Variants in DLC1 observed in about 807,000 individuals in gnomAD.
The protein encoded by DLC1 is rho GTPase-activating protein 7.
A neutral mutation model predicts 140.3 loss-of-function variants in DLC1; 54 were observed. That is an observed-to-expected ratio of 0.38 (90% CI 0.31 to 0.48). The LOEUF is 0.48. DLC1 is among the 20% of genes least tolerant of loss of function. The probability of loss-of-function intolerance (pLI) is 0.96; values close to 1 mark genes in which losing one functional copy is unlikely to be tolerated. For missense variants in DLC1, 2,536 were observed against 1,907.0 expected (o/e 1.33, Z -6.14); for synonymous variants, 986 against 728.1 (o/e 1.35, Z -5.70).
chr8:13,150,675 A>G (rs960687412), intron 5 of DLC1, among the ~76,000 whole-genome samples: 1 of 152,198 alleles, frequency 6.6e-6, no homozygotes, highest in Non-Finnish European at 1.5e-5. Context: ...GATCTTCATA[A>G]ACACTTTCCC....
rs1801695696 is a variant in DLC1 at position 13,499,656 on chromosome 8, T to C, written c.416A>G (p.His139Arg). ...TAAGGAGCCTGCTCCTTGGATCATA[T>C]GTTGGCCTGATGTTTTCTGCCCTTG... Reference protein sequence around the residue: ...NTQGQKTSGQHMIQGAGSLEK... With the variant: ...NTQGQKTSGQRMIQGAGSLEK... The change falls in exon 2 of 18, where the codon CAT becomes CGT. Residue 139 changes from histidine (H) to arginine (R), a missense_variant. By Grantham distance (29) the His-to-Arg change is conservative. Transcript: ENST00000276297. The C allele has an allele frequency of 1.9e-6, 3 of 1,614,214 alleles. No individual in the cohort carries two copies. The highest frequency in any genetic ancestry group is 2.5e-6 in the Non-Finnish European group (3 of 1,180,020).
At chr8:13,128,650 A>G (rs535119661) in intron 5 of DLC1, among the ~76,000 whole-genome samples, 22 of 152,166 alleles carry the variant, frequency 1.4e-4, no homozygotes, top group East Asian at 5.8e-4. Context: ...GGCTAACACG[A>G]TGAAACCCTG....
At chr8:13,254,835 T>C (rs1223781903) in intron 5 of DLC1, among the ~76,000 whole-genome samples, 1 of 152,216 alleles carries the variant, frequency 6.6e-6, no homozygotes, top group African/African-American at 2.4e-5. Context: ...TAACAAAATA[T>C]TTAGTTTAAC....
intron 1 of DLC1, among the ~76,000 whole-genome samples, chr8:13,525,069 A>G (rs1802877528): frequency 6.6e-6 from 1 of 152,190 alleles, no homozygotes; most frequent in African/African-American, 2.4e-5. Context: ...TAAATTTTCT[A>G]GAAGTTTATG....
At chr8:13,096,605 G>T (rs2064860568) in intron 10 of DLC1, among the ~76,000 whole-genome samples, 6 of 151,984 alleles carry the variant, frequency 3.9e-5, no homozygotes, top group Admixed American at 3.9e-4. Context: ...AAGCATGTGA[G>T]GATAAACCGG....
chr8:13,454,590 C>T (rs1447218510), intron 2 of DLC1, among the ~76,000 whole-genome samples: 1 of 152,174 alleles, frequency 6.6e-6, no homozygotes, highest in Non-Finnish European at 1.5e-5. Flanking sequence ...GGGTCTTGCT[C>T]TGTCATCCAG....
At chr8:13,568,938 G>C (rs776405642) in intron 1 of DLC1, among the ~76,000 whole-genome samples, 1 of 152,192 alleles carries the variant, frequency 6.6e-6, no homozygotes. Flanking sequence ...ATATTTAGCT[G>C]TAAGGGGAAG....
Position 13,567,850 on chromosome 8 carries a change from C to G in DLC1, c.-126+36687G>C, listed in dbSNP as rs140504541. 5 of 1,551,794 alleles carry G rather than the reference C, an allele frequency of 3.2e-6. No individual in the cohort carries two copies. The East Asian group carries it at 9.8e-5, about 30-fold the overall frequency. On this transcript the variant is annotated intron_variant, in intron 1 of 1. Coordinates refer to the DLC1 transcript ENST00000631382. ...ATCAGAGACAGAGCAGAAGTTGCAG[C>G]GAGATGGAAATAGTGCTTGTCATTT...
chr8:13,123,082 G>A (rs900821283), intron 5 of DLC1, among the ~76,000 whole-genome samples: 30 of 152,254 alleles, frequency 2.0e-4, no homozygotes, highest in East Asian at 5.8e-4. Flanking sequence ...GGAGTACAGC[G>A]CGTATGAGGA....
At chr8:13,402,166 A>G (rs1837328672) in intron 2 of DLC1, among the ~76,000 whole-genome samples, 1 of 152,124 alleles carries the variant, frequency 6.6e-6, no homozygotes, top group African/African-American at 2.4e-5. Flanking sequence ...CCTTACTAAA[A>G]TCTCTTCTCT....
chr8:13,097,418 C>T (rs1280598538), intron 10 of DLC1, among the ~76,000 whole-genome samples: 1 of 152,014 alleles, frequency 6.6e-6, no homozygotes, highest in Non-Finnish European at 1.5e-5. Flanking sequence ...TGCATGCCAC[C>T]ACACTCAGCT....
chr8:13,497,882 C>T (rs1034990031), intron 2 of DLC1, among the ~76,000 whole-genome samples: 4 of 152,168 alleles, frequency 2.6e-5, no homozygotes, highest in African/African-American at 9.7e-5. Context: ...AGCTTGTGGA[C>T]ACTGATTTTT....
At position 13,448,158 on chromosome 8, in the gene DLC1, G is replaced by A. The variant is rs546072775; in HGVS notation, c.1024-46539C>T. On this transcript the variant is annotated intron_variant, in intron 2 of 17. Coordinates refer to ENST00000276297, the MANE Select transcript of DLC1 (RefSeq NM_182643.3). ...CATCGGTGATTATGGCTGGGAAAGC[G>A]TCTCTCCAGGTGACTCACTGCCATT... Among the ~76,000 whole-genome samples the A allele has an allele frequency of 1.3e-3, 197 of 152,220 alleles. 3 individuals carry two copies. The highest frequency in any genetic ancestry group is 0.011 in the Admixed American group (175 of 15,286).
At chr8:13,229,532 G>A (rs1351911271) in intron 5 of DLC1, among the ~76,000 whole-genome samples, 1 of 151,880 alleles carries the variant, frequency 6.6e-6, no homozygotes, top group Non-Finnish European at 1.5e-5. Context: ...CTCCATGAAT[G>A]CATTAAAAAC....
intron 2 of DLC1, among the ~76,000 whole-genome samples, chr8:13,434,581 G>C (rs1007267553): frequency 1.3e-5 from 2 of 152,188 alleles, no homozygotes; most frequent in Admixed American, 6.5e-5. Context: ...TGTTGGCAAG[G>C]TGACTTACAA....
chr8:13,510,697 A>G (rs909445642), intron 1 of DLC1, among the ~76,000 whole-genome samples: 2 of 152,046 alleles, frequency 1.3e-5, no homozygotes, highest in Admixed American at 6.6e-5. Context: ...ACCCCATTTA[A>G]AATGTGGAAA....
intron 1 of DLC1, among the ~76,000 whole-genome samples, chr8:13,529,003 C>T (rs182298358): frequency 4.6e-5 from 7 of 152,196 alleles, no homozygotes; most frequent in South Asian, 2.1e-4. Flanking sequence ...TATGCCAAGA[C>T]GATTATTTCC....
chr8:13,547,761 C>G (rs528667830), intron 1 of DLC1, among the ~76,000 whole-genome samples: 1 of 152,000 alleles, frequency 6.6e-6, no homozygotes, highest in Non-Finnish European at 1.5e-5. Flanking sequence ...AACTTCATAT[C>G]CCTGCCTACT....
intron 5 of DLC1, among the ~76,000 whole-genome samples, chr8:13,117,149 T>C (rs1375696900): frequency 6.6e-6 from 1 of 152,190 alleles, no homozygotes; most frequent in Non-Finnish European, 1.5e-5. Context: ...TGGAAAAACA[T>C]ATACAAGCTC....
Sources: gnomAD v4.1 joint callset for allele counts (sites outside exome capture counted in the v4.1 genomes callset) on GRCh38, gnomAD v4.1.1 for gene constraint, MANE v1.5 for transcripts, NCBI Gene and HGNC (gene_info 2026-07-23, HGNC 2026-07-21) for gene names.